PIK3R1: variants seen among roughly 807,000 people sequenced by gnomAD.
PIK3R1 encodes the protein phosphoinositide-3-kinase regulatory subunit 1, also known as phosphatidylinositol 3-kinase regulatory subunit alpha.
In PIK3R1, 29 loss-of-function variants were observed where a neutral mutation model predicts 98.0. The observed-to-expected ratio is 0.30, with a 90% confidence interval of 0.22 to 0.40. The LOEUF (loss-of-function observed/expected upper bound fraction) is 0.40, where lower values mean the gene tolerates loss of function less well. PIK3R1 is among the 10% of genes least tolerant of loss of function. The pLI is 1.00. For synonymous variants in PIK3R1, 282 were observed against 311.8 expected (o/e 0.90, Z 1.01); for missense variants, 596 against 872.7 (o/e 0.68, Z 3.99).
intron 2 of PIK3R1, among the ~76,000 whole-genome samples, chr5:68,236,965 A>C (rs1744690760): frequency 6.6e-6 from 1 of 152,248 alleles, no homozygotes; most frequent in Non-Finnish European, 1.5e-5. Context: ...GAAGAAATAC[A>C]CCATGATCAG....
intron 2 of PIK3R1, among the ~76,000 whole-genome samples, chr5:68,272,514 A>G (rs1030228514): frequency 5.9e-5 from 9 of 152,180 alleles, no homozygotes; most frequent in African/African-American, 2.2e-4. Flanking sequence ...CTCTTCTGGC[A>G]TAATTTGAGA....
intron 4 of PIK3R1, among the ~76,000 whole-genome samples, chr5:68,276,770 A>G (rs1344641298): frequency 6.6e-6 from 1 of 152,212 alleles, no homozygotes; most frequent in African/African-American, 2.4e-5. Context: ...TATACTATGA[A>G]AGTTCTTTTG....
chr5:68,230,397 C>T (rs1012499429), intron 2 of PIK3R1, among the ~76,000 whole-genome samples: 2 of 152,218 alleles, frequency 1.3e-5, no homozygotes, highest in African/African-American at 4.8e-5. Context: ...TGCTGGTAAA[C>T]AGGTGCTGCT....
At chr5:68,262,572 C>CTACATGCATACACATGTAT (rs1745825122) in intron 2 of PIK3R1, among the ~76,000 whole-genome samples, 4 of 139,354 alleles carry the variant, frequency 2.9e-5, no homozygotes, top group Non-Finnish European at 6.2e-5. Flanking sequence ...TACACATGTA[C>CTACATGCATACACATGTAT]CTACATGTAT....
chr5:68,288,391 G>C lies in PIK3R1; in HGVS notation c.917-3868G>C, dbSNP rs1297364309. 6 of 1,161,970 alleles carry C rather than the reference G, an allele frequency of 5.2e-6. No homozygotes were observed. The East Asian group carries it at 2.0e-4, about 39-fold the overall frequency. The allele number at this position is 1,161,970 out of a possible 1,614,324, so 72.0% of individuals were successfully genotyped here. On this transcript the variant is annotated intron_variant, in intron 7 of 15. Coordinates refer to ENST00000521381, the MANE Select transcript of PIK3R1 (RefSeq NM_181523.3). Reference sequence around the variant, plus strand: ...CGATCTTTATCTAAGGGAGACGTGCGAGCGCCTGGGCTCCTTTCCTCCCCG... The same window carrying C: ...CGATCTTTATCTAAGGGAGACGTGCCAGCGCCTGGGCTCCTTTCCTCCCCG...
chr5:68,225,472 G>C (rs1744238036), intron 1 of PIK3R1, among the ~76,000 whole-genome samples: 1 of 152,072 alleles, frequency 6.6e-6, no homozygotes, highest in African/African-American at 2.4e-5. Context: ...ATTAATGCAG[G>C]ATCAGGCACC....
chr5:68,242,398 G>A (rs1452433308), intron 2 of PIK3R1, among the ~76,000 whole-genome samples: 1 of 152,202 alleles, frequency 6.6e-6, no homozygotes, highest in Non-Finnish European at 1.5e-5. Flanking sequence ...CAAAAGAAAA[G>A]TCCTAGTTGC....
chr5:68,246,313 ATTT>A (rs11351105), intron 2 of PIK3R1, among the ~76,000 whole-genome samples: 13 of 127,252 alleles, frequency 1.0e-4, no homozygotes, highest in Non-Finnish European at 1.0e-4. Flanking sequence ...TGGTGTGTAT[ATTT>A]TTTTTTTTTT....
In PIK3R1 at chr5:68,226,584, C is replaced by A; in HGVS notation, c.-92C>A. On this transcript the variant is annotated 5_prime_UTR_variant, in exon 2 of 16. Coordinates refer to ENST00000521381, the MANE Select transcript of PIK3R1 (RefSeq NM_181523.3). ...GCTGGACACATAATAGGAATTCTAA[C>A]ACATTCTCTGAATTCACTTTTCATA... 9.8e-7 allele frequency: 1 copy of A among 1,024,560 alleles called. No homozygotes were observed. Among genetic ancestry groups the A allele is most frequent in the Non-Finnish European group, 1.5e-6 (1 of 680,700 alleles). The allele number at this position is 1,024,560 out of a possible 1,614,324, so 63.5% of individuals were successfully genotyped here.
chr5:68,228,422 A>T (rs1024187855), intron 2 of PIK3R1, among the ~76,000 whole-genome samples: 2 of 152,200 alleles, frequency 1.3e-5, no homozygotes, highest in African/African-American at 4.8e-5. Flanking sequence ...CATAAATGTT[A>T]TACTTTATAA....
chr5:68,229,142 T>C (rs1046867257), intron 2 of PIK3R1, among the ~76,000 whole-genome samples: 5 of 151,096 alleles, frequency 3.3e-5, no homozygotes, highest in Admixed American at 2.6e-4. Context: ...GGGGGGGTCA[T>C]GTGGGGAGTA....
intron 2 of PIK3R1, among the ~76,000 whole-genome samples, chr5:68,266,544 CAGAAAGTATTAAGGTTATT>C (rs1457183838): frequency 2.0e-5 from 3 of 152,160 alleles, no homozygotes; most frequent in Non-Finnish European, 2.9e-5. Flanking sequence ...TGAGCATAAT[CAGAAAGTATTAAGGTTATT>C]CCCTTGTGGG....
At chr5:68,270,574 A>G (rs1746313182) in intron 2 of PIK3R1, among the ~76,000 whole-genome samples, 1 of 152,190 alleles carries the variant, frequency 6.6e-6, no homozygotes, top group Admixed American at 6.5e-5. Context: ...GAAAAGGGGA[A>G]GAGGAATTGG....
intron 2 of PIK3R1, among the ~76,000 whole-genome samples, chr5:68,245,984 G>C (rs994300668): frequency 6.6e-6 from 1 of 152,210 alleles, no homozygotes; most frequent in African/African-American, 2.4e-5. Flanking sequence ...CAGTTGCAAT[G>C]AAGGTGACAG....
Position 68,262,734 on chromosome 5 carries a change from T to C in PIK3R1, c.335-10656T>C, listed in dbSNP as rs1269419396. On this transcript the variant is annotated intron_variant, in intron 2 of 15. Transcript: ENST00000521381. Reference sequence around the variant, plus strand: ...GTAGATGCATGTATACATATATACATGTAGATGCATGTAGATACATGTATA... The same window carrying C: ...GTAGATGCATGTATACATATATACACGTAGATGCATGTAGATACATGTATA... Among the ~76,000 whole-genome samples the C allele has an allele frequency of 5.0e-5, 7 of 140,254 alleles. 1 individual carries two copies. The highest frequency in any genetic ancestry group is 1.0e-4 in the African/African-American group (4 of 38,620). The allele number at this position is 140,254 out of a possible 152,430, so 92.0% of individuals were successfully genotyped here. A position where few individuals can be genotyped will look rare whatever the true frequency, so the allele number is the denominator to read the frequency against.
chr5:68,240,205 A>G (rs1269398698), intron 2 of PIK3R1, among the ~76,000 whole-genome samples: 2 of 152,106 alleles, frequency 1.3e-5, no homozygotes. Flanking sequence ...TAGAAAAGCC[A>G]TTATTGGGTA....
Position 68,295,155 on chromosome 5 carries a change from C to T in PIK3R1, c.1576C>T (p.His526Tyr). Residue 526 changes from histidine (H) to tyrosine (Y), a missense_variant, in exon 13 of 16, where the codon CAT becomes TAT. Transcript: ENST00000521381. ...GNEKEIQRIMHNYDKLKSRIS... is the reference protein window; with the variant it reads ...GNEKEIQRIMYNYDKLKSRIS... ...CGTTTCTTTTGCCTGCAGGATTATG[C>T]ATAATTATGATAAGTTGAAGTCTCG... is the stretch of plus-strand genomic sequence containing the variant. The T allele has an allele frequency of 6.2e-7, 1 of 1,613,226 alleles. No individual in the cohort carries two copies. The highest frequency in any genetic ancestry group is 8.5e-7 in the Non-Finnish European group (1 of 1,179,366).
intron 2 of PIK3R1, among the ~76,000 whole-genome samples, chr5:68,237,178 A>C (rs1349751226): frequency 6.6e-6 from 1 of 152,238 alleles, no homozygotes; most frequent in African/African-American, 2.4e-5. Context: ...GGTATCCAGC[A>C]TAAGAATTGT....
intron 7 of PIK3R1, chr5:68,292,016 A>G (rs1165172719): frequency 5.9e-6 from 2 of 337,108 alleles, no homozygotes; most frequent in Non-Finnish European, 1.1e-5. Flanking sequence ...GGCCAGCCCA[A>G]TTTATTTGTT....
Sources: gnomAD v4.1 joint callset for allele counts (sites outside exome capture counted in the v4.1 genomes callset) on GRCh38, gnomAD v4.1.1 for gene constraint, MANE v1.5 for transcripts, NCBI Gene and HGNC (gene_info 2026-07-23, HGNC 2026-07-21) for gene names.